The following PTPN9 variants were observed in gnomAD, a reference collection of about 807,000 sequenced individuals.
The protein encoded by PTPN9 is tyrosine-protein phosphatase non-receptor type 9.
In PTPN9, 26 loss-of-function variants were observed where a neutral mutation model predicts 69.8. The observed-to-expected ratio is 0.37, with a 90% CI of 0.27 to 0.52. The LOEUF is 0.52. Ranked by LOEUF, PTPN9 falls within the 20% of genes least tolerant of loss-of-function variation. PTPN9 has a pLI of 0.91. For synonymous variants in PTPN9, 274 were observed against 272.5 expected (o/e 1.01, Z -0.05); for missense variants, 549 against 740.3 (o/e 0.74, Z 3.00).
chr15:75,471,380 A>G (rs1485435080), intron 10 of PTPN9, among the ~76,000 whole-genome samples: 11 of 152,222 alleles, frequency 7.2e-5, no homozygotes, highest in African/African-American at 2.4e-4. Flanking sequence ...GTATGTTAGC[A>G]GGAGGTTTGT....
At chr15:75,529,404 A>C (rs1354283975) in intron 1 of PTPN9, among the ~76,000 whole-genome samples, 1 of 152,202 alleles carries the variant, frequency 6.6e-6, no homozygotes, top group Non-Finnish European at 1.5e-5. Context: ...CCTGATGAGA[A>C]TTCTGAATTT....
intron 1 of PTPN9, among the ~76,000 whole-genome samples, chr15:75,550,156 CCCCT>C (rs1567518033): frequency 1.3e-5 from 2 of 151,758 alleles, no homozygotes; most frequent in Admixed American, 6.6e-5. Flanking sequence ...GCCTGATAAA[CCCCT>C]GTGGTAGTTT....
At chr15:75,489,204 C>G (rs987419261) in intron 8 of PTPN9, among the ~76,000 whole-genome samples, 1 of 149,640 alleles carries the variant, frequency 6.7e-6, no homozygotes, top group African/African-American at 2.5e-5. Flanking sequence ...AAAAATTTGT[C>G]CTAATGTTAC....
At chr15:75,526,846 C>A (rs1407399704) in intron 2 of PTPN9, among the ~76,000 whole-genome samples, 1 of 152,156 alleles carries the variant, frequency 6.6e-6, no homozygotes, top group Non-Finnish European at 1.5e-5. Context: ...GAACCCCTAT[C>A]CTGCCACCAG....
chr15:75,552,136 C>T (rs904893901), intron 1 of PTPN9, among the ~76,000 whole-genome samples: 4 of 151,664 alleles, frequency 2.6e-5, no homozygotes, highest in African/African-American at 7.3e-5. Flanking sequence ...CGGCGGCTCA[C>T]GTCTGTAATT....
Position 75,505,955 on chromosome 15 carries a change from A to C in PTPN9, c.688T>G (p.Cys230Gly). The change falls in exon 7 of 13, where the codon TGT (cysteine) becomes GGT (glycine). Residue 230 changes from cysteine (C) to glycine (G), a missense_variant. Transcript: ENST00000618819. The part of the protein sequence containing the change: ...SEVTQHLPRE[C>G]LPENLGGYVK... ...TACCCACCCAGGTTTTCTGGAAGAC[A>C]CTCCCTGGGCAGATGCTGCGTGACC... The C allele has an allele frequency of 1.2e-6, 2 of 1,613,896 alleles. No homozygotes were observed. Among genetic ancestry groups the C allele is most frequent in the Non-Finnish European group, 1.7e-6 (2 of 1,179,960 alleles).
chr15:75,471,789 C>G (rs2074567292), intron 10 of PTPN9, among the ~76,000 whole-genome samples: 1 of 151,882 alleles, frequency 6.6e-6, no homozygotes, highest in African/African-American at 2.4e-5. Context: ...GTGGTGGGCA[C>G]CTGTAATCCC....
At chr15:75,485,611 C>A (rs1283010507) in intron 8 of PTPN9, among the ~76,000 whole-genome samples, 3 of 148,364 alleles carry the variant, frequency 2.0e-5, no homozygotes, top group Non-Finnish European at 3.0e-5. Context: ...ACCTCATGAT[C>A]CACCCGCCTC....
At chr15:75,484,218 A>T (rs1162044874) in intron 8 of PTPN9, among the ~76,000 whole-genome samples, 1 of 152,242 alleles carries the variant, frequency 6.6e-6, no homozygotes, top group Non-Finnish European at 1.5e-5. Context: ...TATATAACTC[A>T]ATAGAAACTG....
intron 5 of PTPN9, among the ~76,000 whole-genome samples, chr15:75,514,329 A>G (rs2141315620): frequency 6.6e-6 from 1 of 152,312 alleles, no homozygotes; most frequent in African/African-American, 2.4e-5. Flanking sequence ...CTGTAATCCC[A>G]GCACTTTGGG....
At chr15:75,506,201 GA>G (rs2074819096) in intron 6 of PTPN9, among the ~76,000 whole-genome samples, 198 bp from the exon 7 acceptor site, 1 of 152,146 alleles carries the variant, frequency 6.6e-6, no homozygotes, top group Non-Finnish European at 1.5e-5. Context: ...ATAAAAGTGT[GA>G]ACTCCCAGAA....
chr15:75,577,654 G>A (rs998563495), intron 1 of PTPN9, among the ~76,000 whole-genome samples: 4 of 152,170 alleles, frequency 2.6e-5, no homozygotes, highest in African/African-American at 9.6e-5. Context: ...TTGTAAAACT[G>A]GACTGTCTTC....
intron 1 of PTPN9, among the ~76,000 whole-genome samples, chr15:75,575,588 T>C (rs1268689769): frequency 2.0e-5 from 3 of 152,330 alleles, no homozygotes; most frequent in African/African-American, 4.8e-5. Flanking sequence ...CTAACACTTA[T>C]GTACTGCTGT....
intron 7 of PTPN9, among the ~76,000 whole-genome samples, chr15:75,505,083 A>C (rs1362104712): frequency 6.6e-6 from 1 of 152,200 alleles, no homozygotes; most frequent in East Asian, 1.9e-4. Flanking sequence ...GAAAGTAGAC[A>C]TGGGAGACTT....
chr15:75,476,376 G>A (rs943934623), intron 9 of PTPN9, among the ~76,000 whole-genome samples: 6 of 152,038 alleles, frequency 3.9e-5, no homozygotes, highest in Admixed American at 2.0e-4. Context: ...GTGCAGTGGC[G>A]TGATCTCAGC....
intron 1 of PTPN9, among the ~76,000 whole-genome samples, chr15:75,550,376 G>A (rs1343889052): frequency 1.3e-5 from 2 of 151,350 alleles, no homozygotes; most frequent in African/African-American, 2.4e-5. Flanking sequence ...ATGTTGGCCA[G>A]GCTAGTCTCG....
At chr15:75,560,781 G>A (rs2075101102) in intron 1 of PTPN9, among the ~76,000 whole-genome samples, 1 of 152,174 alleles carries the variant, frequency 6.6e-6, no homozygotes, top group Non-Finnish European at 1.5e-5. Flanking sequence ...AGCACTTTGG[G>A]AGGCCAAGGC....
In PTPN9 at chr15:75,479,932, A is replaced by T. The variant is rs1440009889; in HGVS notation, c.1063-18T>A. 1 of 1,554,846 alleles carries T rather than the reference A, an allele frequency of 6.4e-7. No homozygotes were observed. Among genetic ancestry groups the T allele is most frequent in the Admixed American group, 1.8e-5 (1 of 56,972 alleles). Reference sequence around the variant, plus strand: ...TAATCTGTCTAATGATAAAAAGGAGACATCACTATAGCTACACAGAATACA... The same window carrying T: ...TAATCTGTCTAATGATAAAAAGGAGTCATCACTATAGCTACACAGAATACA... On this transcript the variant is annotated intron_variant, in intron 8 of 12. Transcript: ENST00000618819.
At chr15:75,559,155 G>T (rs1249801560) in intron 1 of PTPN9, among the ~76,000 whole-genome samples, 1 of 151,882 alleles carries the variant, frequency 6.6e-6, no homozygotes, top group Non-Finnish European at 1.5e-5. Context: ...CGTCTGGGAT[G>T]TGAGGAGCGC....
Sources: gnomAD v4.1 joint callset for allele counts (sites outside exome capture counted in the v4.1 genomes callset) on GRCh38, gnomAD v4.1.1 for gene constraint, MANE v1.5 for transcripts, NCBI Gene and HGNC (gene_info 2026-07-23, HGNC 2026-07-21) for gene names.